HCRTR1: variants seen among roughly 807,000 people sequenced by gnomAD.
The protein encoded by HCRTR1 is orexin/Hypocretin receptor type 1.
Under a neutral mutation model 40.6 loss-of-function variants are expected in HCRTR1, and 28 were observed. That is an observed-to-expected ratio of 0.69 (90% CI 0.51 to 0.95). HCRTR1 has a LOEUF of 0.95. Among genes scored for constraint, HCRTR1 ranks in the 40% least tolerant of loss-of-function variants. The pLI, the probability that HCRTR1 is intolerant of heterozygous loss-of-function variation, is 0.00. For missense variants in HCRTR1, 482 were observed against 564.7 expected (o/e 0.85, Z 1.48); for synonymous variants, 209 against 230.0 (o/e 0.91, Z 0.83).
downstream of HCRTR1, chr1:31,632,250 G>A (rs745510591): frequency 1.2e-4 from 85 of 680,964 alleles, no homozygotes; most frequent in Middle Eastern, 1.1e-3. Context: ...GGCTGGGGCC[G>A]TCTCACCCAG....
At position 31,625,000 on chromosome 1, in the gene HCRTR1, G is replaced by A; in HGVS notation, c.969G>A (p.Val323=). The A allele has an allele frequency of 1.2e-6, 2 of 1,605,252 alleles. No individual in the cohort carries two copies. The highest frequency in any genetic ancestry group is 1.7e-4 in the Middle Eastern group (1 of 6,032). ...PISVLNVLKR[V]FGMFRQASDR... is the part of the protein sequence containing the mutation. Reference sequence around the variant, plus strand: ...CGCTCCTCCACCCTGGGCCTAGGGTGTTCGGGATGTTCCGCCAAGCCAGTG... The same window carrying A: ...CGCTCCTCCACCCTGGGCCTAGGGTATTCGGGATGTTCCGCCAAGCCAGTG... Residue 323 remains valine, a synonymous_variant, in exon 8 of 9, where the codon GTG becomes GTA. Transcript: ENST00000403528.
downstream of HCRTR1, chr1:31,633,119 T>C (rs1465508972): frequency 6.3e-7 from 1 of 1,586,600 alleles, no homozygotes; most frequent in South Asian, 1.2e-5. Context: ...ATCAGGTGGC[T>C]CTGCCCCAGC....
rs1639850426 is a variant in HCRTR1 at position 31,621,280 on chromosome 1, C to T, written c.622+194C>T. ...GTGCCTCCCCTCATGTAGACATCTG[C>T]TCTAGTGTAGATGTCCTTCCAGGAG... On this transcript the variant is annotated intron_variant, in intron 5 of 8. Coordinates refer to ENST00000403528, the MANE Select transcript of HCRTR1 (RefSeq NM_001525.3). Among the ~76,000 whole-genome samples, 3 of 152,172 alleles carry T rather than the reference C, an allele frequency of 2.0e-5. 1 individual carries two copies. In the South Asian group the frequency reaches 6.2e-4, roughly 32 times the overall value.
At chr1:31,629,252 G>A (rs1430698166), downstream of HCRTR1, among the ~76,000 whole-genome samples, 1 of 152,208 alleles carries the variant, frequency 6.6e-6, no homozygotes, top group African/African-American at 2.4e-5. Context: ...AACAGTCATA[G>A]TTACTTCCAA....
chr1:31,621,630 G>A, intron 6 of HCRTR1, 38 bp downstream of exon 6: 1 of 1,438,488 alleles, frequency 7.0e-7, no homozygotes, highest in African/African-American at 1.4e-5. Flanking sequence ...GCCAGTCACT[G>A]TGTGGGCTGG....
chr1:31,623,814 T>C (rs1639917061), intron 7 of HCRTR1, 65 bp downstream of exon 7: 1 of 1,266,534 alleles, frequency 7.9e-7, no homozygotes, highest in Non-Finnish European at 1.1e-6. Flanking sequence ...CTCTCCTTGC[T>C]TGGGAGAAAG....
chr1:31,627,860 G>A (rs1640010131), downstream of HCRTR1, among the ~76,000 whole-genome samples: 1 of 152,222 alleles, frequency 6.6e-6, no homozygotes, highest in African/African-American at 2.4e-5. Flanking sequence ...TCTGCTCACA[G>A]GCCCAGTGGC....
rs566545971 is a variant in HCRTR1 at position 31,626,577 on chromosome 1, C to T, written c.1088-213C>T. Among the ~76,000 whole-genome samples the T allele has an allele frequency of 2.0e-4, 31 of 152,216 alleles. No individual in the cohort carries two copies. Among genetic ancestry groups the T allele is most frequent in the African/African-American group, 6.7e-4 (28 of 41,532 alleles). On this transcript the variant is annotated intron_variant, in intron 8 of 8. Coordinates refer to ENST00000403528, the MANE Select transcript of HCRTR1 (RefSeq NM_001525.3). This position sits in a 1 kb window ranked among gnomAD's most constrained non-coding sequence, Gnocchi z 4.6. ...CAGTCAAGGAATCAGATGGCAATTG[C>T]GTCTCTCCTTGGGAACCCGCTCCAG... is the stretch of plus-strand genomic sequence containing the variant.
rs547909963 is a variant in HCRTR1 at position 31,621,193 on chromosome 1, G to A, written c.622+107G>A. 3 of 1,429,660 alleles carry A rather than the reference G, an allele frequency of 2.1e-6. No individual in the cohort carries two copies. In the Admixed American group the frequency reaches 6.6e-5, roughly 31 times the overall value. 88.6% of individuals were successfully genotyped at this position (1,429,660 alleles called of 1,614,324 possible). On this transcript the variant is annotated intron_variant, in intron 5 of 8. Coordinates refer to ENST00000403528, the MANE Select transcript of HCRTR1 (RefSeq NM_001525.3). ...GTCCCTTCCAAAGTGGGAAATCCCA[G>A]AGCAGGTATTTCCCTAGGGGACACC...
chr1:31,632,256 C>T (rs1353423768), downstream of HCRTR1: 1 of 707,468 alleles, frequency 1.4e-6, no homozygotes, highest in Admixed American at 2.1e-5. Context: ...GGCCGTCTCA[C>T]CCAGCACTCC....
chr1:31,619,742 CTT>C, intron 4 of HCRTR1, 32 bp downstream of exon 4: 1 of 1,553,518 alleles, frequency 6.4e-7, no homozygotes, highest in Non-Finnish European at 8.7e-7. Context: ...CTCACCACTC[CTT>C]GTCACGCCTG....
rs778890336 is a variant in HCRTR1, at chr1:31,619,624, A to G, written c.292A>G (p.Ile98Val). 6.2e-7 allele frequency: 1 copy of G among 1,614,042 alleles called. No individual in the cohort carries two copies. The highest frequency in any genetic ancestry group is 1.1e-5 in the South Asian group (1 of 91,074). ...LSLADVLVTAICLPASLLVDI... is the reference protein window; with the variant it reads ...LSLADVLVTAVCLPASLLVDI... ...CCTGGCTGACGTTCTGGTGACTGCT[A>G]TCTGCCTGCCGGCCAGCCTGCTGGT... The change falls in exon 4 of 9, where the codon ATC becomes GTC. Residue 98 changes from isoleucine to valine, a missense_variant. Ile to Val is a conservative substitution (Grantham distance 29). Transcript: ENST00000403528.
rs1214563109 is a variant in HCRTR1, at chr1:31,627,232, C to T, written c.*252C>T. ...GACATGATTATTGTTGTACTTCTCTCATTTGGCCATACCCCACAGTATAAT... is the reference window on the plus strand; with the variant it reads ...GACATGATTATTGTTGTACTTCTCTTATTTGGCCATACCCCACAGTATAAT... On this transcript the variant is annotated 3_prime_UTR_variant, in exon 9 of 9. Coordinates refer to ENST00000403528, the MANE Select transcript of HCRTR1 (RefSeq NM_001525.3). The T allele has an allele frequency of 8.7e-6, 13 of 1,490,412 alleles. No homozygotes were observed. The highest frequency in any genetic ancestry group is 2.8e-5 in the African/African-American group (2 of 72,152). The allele number at this position is 1,490,412 out of a possible 1,614,324, so 92.3% of individuals were successfully genotyped here.
At chr1:31,630,405 G>T (rs1230537106), downstream of HCRTR1, 3 of 590,714 alleles carry the variant, frequency 5.1e-6, no homozygotes, top group Non-Finnish European at 9.0e-6. Context: ...CCTCCATCAG[G>T]CCCCTATCTG....
rs1272807862 is a variant in HCRTR1 at position 31,627,276 on chromosome 1, C to T, written c.*296C>T. On this transcript the variant is annotated 3_prime_UTR_variant, in exon 9 of 9. Coordinates refer to ENST00000403528, the MANE Select transcript of HCRTR1 (RefSeq NM_001525.3). ...GTATAATCTGTCCCCATCCTCCTTC[C>T]AGAGCTTGGTCATCCTCCTAAAGAC... The T allele has an allele frequency of 7.1e-7, 1 of 1,404,874 alleles. No homozygotes were observed. Among genetic ancestry groups the T allele is most frequent in the Admixed American group, 2.1e-5 (1 of 46,784 alleles). The allele number at this position is 1,404,874 out of a possible 1,614,324, so 87.0% of individuals were successfully genotyped here.
chr1:31,630,571 G>C, downstream of HCRTR1: 4 of 1,576,398 alleles, frequency 2.5e-6, no homozygotes, highest in Non-Finnish European at 2.6e-6. Flanking sequence ...TAAGAAGCCA[G>C]GAAAGGTCCC....
chr1:31,620,026 T>C (rs778855029), intron 4 of HCRTR1, among the ~76,000 whole-genome samples: 3 of 152,110 alleles, frequency 2.0e-5, no homozygotes, highest in Non-Finnish European at 4.4e-5. Flanking sequence ...CAGCCCACAG[T>C]GACACATACA....
chr1:31,619,761 A>AC, intron 4 of HCRTR1, 51 bp downstream of exon 4: 1 of 1,524,400 alleles, frequency 6.6e-7, no homozygotes, highest in East Asian at 2.3e-5. Flanking sequence ...CCTGTAAAAA[A>AC]CCCACGGCCT....
chr1:31,623,452 G>A, intron 6 of HCRTR1, 71 bp from the exon 7 acceptor site: 1 of 1,349,134 alleles, frequency 7.4e-7, no homozygotes, highest in Non-Finnish European at 1.0e-6. Context: ...GCCTGGAGTA[G>A]GCCCCACAAA....
Sources: allele counts gnomAD v4.1 joint callset (sites outside exome capture counted in the v4.1 genomes callset), GRCh38; gene constraint gnomAD v4.1.1; non-coding constraint Gnocchi (gnomAD v3.1); transcripts MANE v1.5; gene names NCBI Gene and HGNC (gene_info 2026-07-23, HGNC 2026-07-21).